The following GTF3C1 variants were observed in gnomAD, a reference collection of about 807,000 sequenced individuals.
GTF3C1 encodes the protein general transcription factor IIIC subunit 1, also known as general transcription factor 3C polypeptide 1.
A neutral mutation model predicts 226.7 loss-of-function variants in GTF3C1; 57 were observed. That is an observed-to-expected ratio of 0.25 (90% CI 0.20 to 0.31). GTF3C1 has a LOEUF of 0.31. GTF3C1 is among the 10% of genes least tolerant of loss of function. The probability of loss-of-function intolerance (pLI) is 1.00; values close to 1 mark genes in which losing one functional copy is unlikely to be tolerated. For synonymous variants in GTF3C1, 1,090 were observed against 1,084.8 expected, an observed-to-expected ratio of 1.00 and a Z score of -0.09; for missense variants, 2,217 against 2,776.1, an observed-to-expected ratio of 0.80 and a Z score of 4.53.
intron 23 of GTF3C1, among the ~76,000 whole-genome samples, chr16:27,487,014 G>C (rs1392751635): frequency 1.3e-5 from 2 of 152,202 alleles, no homozygotes; most frequent in Non-Finnish European, 2.9e-5. Context: ...CTGCCCAGGG[G>C]AGGTACTGAT....
intron 32 of GTF3C1, among the ~76,000 whole-genome samples, chr16:27,466,642 G>A (rs976630939): frequency 3.3e-5 from 5 of 152,218 alleles, no homozygotes; most frequent in Admixed American, 2.0e-4. Flanking sequence ...AGAAAGCATG[G>A]TGACAGCCAA....
chr16:27,484,328 T>C lies in GTF3C1; in HGVS notation c.3884A>G (p.Gln1295Arg). ...GGCATGCAAAATGTCCCGTACCACC[T>C]GCCAGGTGACAAATGGGCCCTTCAC... ...TKVKGPFVTW[Q>R]VVRDILHATF... The change falls in exon 25 of 37, where the codon CAG becomes CGG. Residue 1295 changes from glutamine to arginine, a missense_variant. Transcript: ENST00000356183. 1 of 1,610,766 alleles carries C rather than the reference T, an allele frequency of 6.2e-7. No homozygotes were observed. Among genetic ancestry groups the C allele is most frequent in the Non-Finnish European group, 8.5e-7 (1 of 1,176,978 alleles).
In GTF3C1 at chr16:27,507,020, G is replaced by C. The variant is rs2088496272; in HGVS notation, c.1379C>G (p.Ser460Cys). 5 of 1,613,780 alleles carry C rather than the reference G, an allele frequency of 3.1e-6. No individual in the cohort carries two copies. The highest frequency in any genetic ancestry group is 1.7e-5 in the Admixed American group (1 of 59,998). The change falls in exon 9 of 37, where the codon TCT becomes TGT. Residue 460 changes from serine (S) to cysteine (C), a missense_variant. Ser to Cys is a moderately radical substitution (Grantham distance 112). Transcript: ENST00000356183. This position sits in a 1 kb window ranked among gnomAD's most constrained non-coding sequence, Gnocchi z 4.9. ...AGGCAGAAGCGACTCCTCCTGCATA[G>C]ACGCCAGGCTCACGGTGGTCAAGAG... Reference protein sequence around the residue: ...SELLTTVSLASMQEESLLPEG... With the variant: ...SELLTTVSLACMQEESLLPEG...
At chr16:27,478,810 G>C (rs778460755) in intron 27 of GTF3C1, among the ~76,000 whole-genome samples, 2 of 149,994 alleles carry the variant, frequency 1.3e-5, no homozygotes, top group African/African-American at 4.9e-5. Context: ...ACTGTTAATT[G>C]TAAGAGGAAC....
intron 12 of GTF3C1, among the ~76,000 whole-genome samples, chr16:27,499,745 T>C (rs924641657): frequency 7.9e-5 from 12 of 152,166 alleles, no homozygotes; most frequent in East Asian, 5.8e-4. Context: ...GGGAGAAATA[T>C]ACAGCATTCA....
chr16:27,476,467 G>A lies in GTF3C1; in HGVS notation c.4337C>T (p.Ser1446Phe). ...GACACCCACCTGGAATGACTGGTAG[G>A]ACTTCATCTGACTGTCTGAGAGGGC... ...TLALSDSQMK[S>F]YQSFQTFRLY... The change falls in exon 29 of 37, where the codon TCC (serine) becomes TTC (phenylalanine). Residue 1446 changes from serine (S) to phenylalanine (F), a missense_variant. Transcript: ENST00000356183. The A allele has an allele frequency of 6.2e-7, 1 of 1,609,842 alleles. No individual in the cohort carries two copies. The highest frequency in any genetic ancestry group is 8.5e-7 in the Non-Finnish European group (1 of 1,176,158).
chr16:27,495,390 T>C lies in GTF3C1; in HGVS notation c.2453A>G (p.Asn818Ser), dbSNP rs867921989. The C allele has an allele frequency of 6.2e-7, 1 of 1,614,142 alleles. No homozygotes were observed. Among genetic ancestry groups the C allele is most frequent in the Non-Finnish European group, 8.5e-7 (1 of 1,179,986 alleles). The change falls in exon 15 of 37, where the codon AAC becomes AGC. Residue 818 changes from asparagine (N) to serine (S), a missense_variant. By Grantham distance (46) the Asn-to-Ser change is conservative. Transcript: ENST00000356183. ...WYLIYGHPAS[N>S]TVEKPSFISE... ...GATGAAGCTTGGCTTCTCCACGGTG[T>C]TGCTGGCAGGGTGCCCGTAGATGAG... is the stretch of plus-strand genomic sequence containing the variant.
Position 27,507,172 on chromosome 16 carries a change from T to C in GTF3C1, c.1243-16A>G, listed in dbSNP as rs779407372. 1.1e-5 allele frequency: 18 copies of C among 1,580,188 alleles called. No individual in the cohort carries two copies. The highest frequency in any genetic ancestry group is 1.5e-5 in the Non-Finnish European group (17 of 1,158,048). ...CCATGAATCCCTAGAGGGAATAAGA[T>C]GTGTTTATCCCACTGCAAAGAGGGC... On this transcript the variant is annotated splice_polypyrimidine_tract_variant and intron_variant, in intron 8 of 36. Transcript: ENST00000356183. This position sits in a 1 kb window ranked among gnomAD's most constrained non-coding sequence, Gnocchi z 4.9.
At chr16:27,486,331 A>G (rs1324850818) in intron 23 of GTF3C1, among the ~76,000 whole-genome samples, 177 bp from the exon 24 acceptor site, 1 of 152,110 alleles carries the variant, frequency 6.6e-6, no homozygotes, top group African/African-American at 2.4e-5. Context: ...GCCCCTTCTG[A>G]TAGATTTTAT....
chr16:27,510,407 A>C (rs1438850643), intron 7 of GTF3C1, among the ~76,000 whole-genome samples: 1 of 151,702 alleles, frequency 6.6e-6, no homozygotes, highest in Admixed American at 6.6e-5. Flanking sequence ...GAAATACAAA[A>C]TTAGCCGGGC....
rs780811770 is a variant in GTF3C1 at position 27,495,447 on chromosome 16, C to T, written c.2396G>A (p.Arg799His). The change falls in exon 15 of 37, where the codon CGC becomes CAC. Residue 799 changes from arginine to histidine, a missense_variant. Transcript: ENST00000356183. ...RSLGFLPKMP[R>H]LRVVHMFLWY... The stretch of plus-strand genomic sequence containing the variant: ...CAGAAACATGTGGACCACCCGCAGG[C>T]GAGGCATTTTGGGCAGAAATCCTAG... 6.2e-7 allele frequency: 1 copy of T among 1,613,978 alleles called. No individual in the cohort carries two copies. The highest frequency in any genetic ancestry group is 8.5e-7 in the Non-Finnish European group (1 of 1,179,954).
chr16:27,519,900 A>G (rs2088719117), intron 6 of GTF3C1, among the ~76,000 whole-genome samples: 1 of 152,168 alleles, frequency 6.6e-6, no homozygotes, highest in Non-Finnish European at 1.5e-5. Context: ...TGAGCCCAAG[A>G]GTTCGCGACT....
Position 27,470,707 on chromosome 16 carries a change from C to A in GTF3C1, c.4527-312G>T. 2.7e-6 allele frequency: 1 copy of A among 365,170 alleles called. No homozygotes were observed. The highest frequency in any genetic ancestry group is 5.1e-6 in the Non-Finnish European group (1 of 197,266). 22.6% of individuals were successfully genotyped at this position (365,170 alleles called of 1,614,324 possible). On this transcript the variant is annotated intron_variant, in intron 30 of 36. Transcript: ENST00000356183. This position sits in a 1 kb window ranked among gnomAD's most constrained non-coding sequence, Gnocchi z 4.9. ...CCTTACAGGGGCTCACTGTACACAG[C>A]TGCTGAACTAGGGATGGTGAACACG...
chr16:27,508,570 G>A lies in GTF3C1; in HGVS notation c.1212C>T (p.Cys404=), dbSNP rs946346622. The part of the protein sequence containing the change: ...NVGKLEARML[C]RLLQRFKVVK... ...CAACTTTGAATCTTTGAAGAAGTCG[G>A]CACAGCATTCTTGCTTCTAGTTTTC... Residue 404 remains cysteine, a synonymous_variant, in exon 8 of 37, where the codon TGC becomes TGT. Transcript: ENST00000356183. The A allele has an allele frequency of 1.2e-6, 2 of 1,613,766 alleles. No individual in the cohort carries two copies. Among genetic ancestry groups the A allele is most frequent in the Non-Finnish European group, 1.7e-6 (2 of 1,179,770 alleles).
At chr16:27,476,865 C>A (rs967048806) in intron 28 of GTF3C1, among the ~76,000 whole-genome samples, 3 of 152,160 alleles carry the variant, frequency 2.0e-5, no homozygotes, top group African/African-American at 4.8e-5. Flanking sequence ...AGGTTTCTCA[C>A]TGAAATACAG....
chr16:27,498,656 C>T lies in GTF3C1; in HGVS notation c.2139G>A (p.Arg713=), dbSNP rs776112242. 1.2e-6 allele frequency: 2 copies of T among 1,600,288 alleles called. No individual in the cohort carries two copies. The highest frequency in any genetic ancestry group is 1.1e-5 in the South Asian group (1 of 90,842). Residue 713 remains arginine, a synonymous_variant, in exon 13 of 37, where the codon CGG becomes CGA. Coordinates refer to ENST00000356183, the MANE Select transcript of GTF3C1 (RefSeq NM_001520.4). ...VRSAIEQVRF[R]ISNSSTANRV... ...TGTTGGCTGTGCTTGAATTGGAGAT[C>T]CGGAAGCGGACCTGCTCGATGGCAC...
At chr16:27,501,444 A>T in intron 11 of GTF3C1, 100 bp from the exon 12 acceptor site, 1 of 1,042,410 alleles carries the variant, frequency 9.6e-7, no homozygotes. Context: ...CCCAATAGAA[A>T]CAAGGAAGGA....
intron 23 of GTF3C1, 112 bp from the exon 24 acceptor site, chr16:27,486,266 G>T: frequency 1.6e-6 from 1 of 609,516 alleles, no homozygotes. Flanking sequence ...TAATGGTATT[G>T]GTTAGCAGAT....
intron 29 of GTF3C1, among the ~76,000 whole-genome samples, chr16:27,474,020 G>C (rs376654981): frequency 1.5e-4 from 23 of 152,290 alleles, no homozygotes; most frequent in African/African-American, 3.6e-4. Context: ...GAGTTGGGGG[G>C]TATCGTCCAC....
Sources: gnomAD v4.1 joint callset for allele counts (sites outside exome capture counted in the v4.1 genomes callset) on GRCh38, gnomAD v4.1.1 for gene constraint, Gnocchi (gnomAD v3.1) non-coding constraint, MANE v1.5 for transcripts, NCBI Gene and HGNC (gene_info 2026-07-23, HGNC 2026-07-21) for gene names.